CEP112: variants seen among roughly 807,000 people sequenced by gnomAD.
CEP112 encodes the protein centrosomal protein of 112 kDa.
CEP112 carries 127 observed loss-of-function variants against 153.0 expected under a neutral mutation model. The observed-to-expected ratio is 0.83, with a 90% CI of 0.72 to 0.96. The LOEUF is 0.96. CEP112 is among the 40% of genes least tolerant of loss of function. The probability of loss-of-function intolerance (pLI) is 0.00; values close to 1 mark genes in which losing one functional copy is unlikely to be tolerated. For synonymous variants in CEP112, 358 were observed against 374.4 expected (o/e 0.96, Z 0.51); for missense variants, 1,089 against 1,101.2 (o/e 0.99, Z 0.16).
intron 24 of CEP112, among the ~76,000 whole-genome samples, chr17:65,650,730 TAAAAA>T (rs71361240): frequency 4.5e-5 from 2 of 44,240 alleles, no homozygotes; most frequent in Non-Finnish European, 8.0e-5. Context: ...AACTCTCTAC[TAAAAA>T]AAAAAAAAAA....
chr17:65,818,532 A>C (rs1182801686), intron 21 of CEP112, among the ~76,000 whole-genome samples: 1 of 151,884 alleles, frequency 6.6e-6, no homozygotes, highest in Non-Finnish European at 1.5e-5. Flanking sequence ...AAAATCTTTC[A>C]AAAATTACAA....
intron 17 of CEP112, among the ~76,000 whole-genome samples, chr17:65,968,396 T>C (rs4790921): frequency 0.33 from 50,842 of 152,072 alleles, 10,017 homozygotes; most frequent in Non-Finnish European, 0.46. Flanking sequence ...ATAGATCAAA[T>C]TTCAAGCAGG....
At chr17:66,126,565 G>A (rs535229662) in intron 6 of CEP112, among the ~76,000 whole-genome samples, 19 of 151,686 alleles carry the variant, frequency 1.3e-4, no homozygotes, top group African/African-American at 3.1e-4. Flanking sequence ...GCAAGAAAGC[G>A]TCATAAAAAC....
intron 4 of CEP112, among the ~76,000 whole-genome samples, chr17:66,155,938 G>C (rs1459653602): frequency 6.6e-6 from 1 of 152,188 alleles, no homozygotes; most frequent in Non-Finnish European, 1.5e-5. Flanking sequence ...CTGGGGGAAG[G>C]GGCGGCTGTG....
chr17:65,664,150 A>G (rs2046558373), intron 24 of CEP112, among the ~76,000 whole-genome samples: 1 of 152,214 alleles, frequency 6.6e-6, no homozygotes, highest in African/African-American at 2.4e-5. Flanking sequence ...TGGCCATGGC[A>G]TTGCTTGGGA....
chr17:65,660,244 TG>T (rs2046285849), intron 24 of CEP112, among the ~76,000 whole-genome samples: 1 of 124,162 alleles, frequency 8.1e-6, no homozygotes, highest in Non-Finnish European at 1.6e-5. Context: ...TCCTCTTTTT[TG>T]TTTTCTTTCT....
intron 4 of CEP112, among the ~76,000 whole-genome samples, chr17:66,174,773 T>C (rs184995990): frequency 1.1e-4 from 17 of 152,326 alleles, no homozygotes; most frequent in Non-Finnish European, 2.2e-4. Context: ...AAGTTATTGA[T>C]AATGCTTTTA....
chr17:65,793,126 A>G (rs1391739102), intron 21 of CEP112, among the ~76,000 whole-genome samples: 1 of 152,164 alleles, frequency 6.6e-6, no homozygotes, highest in Non-Finnish European at 1.5e-5. Context: ...TGAAATATGA[A>G]ATAATAACCC....
intron 4 of CEP112, among the ~76,000 whole-genome samples, chr17:66,142,561 T>C (rs1440484869): frequency 1.3e-5 from 2 of 152,220 alleles, no homozygotes; most frequent in East Asian, 3.8e-4. Context: ...TTTCTTTTTA[T>C]GCTTGTGGAC....
chr17:66,175,366 T>C, intron 3 of CEP112, 150 bp from the exon 4 acceptor site: 1 of 567,232 alleles, frequency 1.8e-6, no homozygotes. Context: ...GTACATTGAA[T>C]TATGAGATAT....
intron 21 of CEP112, among the ~76,000 whole-genome samples, chr17:65,816,445 C>A (rs752672190): frequency 6.6e-6 from 1 of 151,916 alleles, no homozygotes; most frequent in Non-Finnish European, 1.5e-5. Context: ...CCCCTTCCCA[C>A]CTTTTTCTCC....
chr17:65,976,339 A>G (rs2063032753), intron 17 of CEP112, among the ~76,000 whole-genome samples: 1 of 152,228 alleles, frequency 6.6e-6, no homozygotes, highest in Admixed American at 6.5e-5. Context: ...GGGGAAGAGC[A>G]TGTTATTTAT....
intron 19 of CEP112, among the ~76,000 whole-genome samples, chr17:65,920,362 AATATATATATAT>A (rs55934550): frequency 0.013 from 573 of 42,778 alleles, 29 homozygotes; most frequent in Admixed American, 0.048. Context: ...AAACAAACAA[AATATATATATAT>A]ATATATATAT....
intron 21 of CEP112, 32 bp downstream of exon 21, chr17:65,851,772 C>T: frequency 1.3e-6 from 2 of 1,493,790 alleles, no homozygotes; most frequent in South Asian, 1.2e-5. Flanking sequence ...TGGATTTCAA[C>T]TGCCTATTAA....
chr17:66,024,408 TA>T (rs1224101119), intron 16 of CEP112, among the ~76,000 whole-genome samples: 1 of 151,990 alleles, frequency 6.6e-6, no homozygotes, highest in Non-Finnish European at 1.5e-5. Context: ...ATCTTATACC[TA>T]AAAAACCCTA....
At chr17:66,174,823 T>C (rs1413324730) in intron 4 of CEP112, among the ~76,000 whole-genome samples, 1 of 152,198 alleles carries the variant, frequency 6.6e-6, no homozygotes, top group East Asian at 1.9e-4. Flanking sequence ...AATTGTGTCA[T>C]TTAAAGATGC....
chr17:66,167,108 A>G (rs556834372), intron 4 of CEP112, among the ~76,000 whole-genome samples: 153 of 152,306 alleles, frequency 1.0e-3, no homozygotes, highest in African/African-American at 3.5e-3. Flanking sequence ...TCATACTTAC[A>G]ATCATAACCT....
intron 18 of CEP112, among the ~76,000 whole-genome samples, chr17:65,932,964 A>G (rs1592614): frequency 0.41 from 62,565 of 151,812 alleles, 14,251 homozygotes; most frequent in East Asian, 0.87. Context: ...ATATGCAGAC[A>G]AAAGAATTAG....
chr17:66,088,446 C>A (rs887194726), intron 8 of CEP112, among the ~76,000 whole-genome samples: 1 of 152,024 alleles, frequency 6.6e-6, no homozygotes, highest in Admixed American at 6.6e-5. Context: ...AATCCCTAGT[C>A]ATCAGGCCAG....
Sources: gnomAD v4.1 joint callset for allele counts (sites outside exome capture counted in the v4.1 genomes callset) on GRCh38, gnomAD v4.1.1 for gene constraint, MANE v1.5 for transcripts, NCBI Gene and HGNC (gene_info 2026-07-23, HGNC 2026-07-21) for gene names.